RNF128: variants seen among roughly 807,000 people sequenced by gnomAD.
RNF128 encodes the protein E3 ubiquitin-protein ligase RNF128.
A neutral mutation model predicts 26.2 loss-of-function variants in RNF128; 13 were observed. The ratio of observed to expected loss-of-function variants is 0.50; its 90% CI spans 0.32 to 0.79. RNF128 has a LOEUF of 0.79. RNF128 is among the 30% of genes least tolerant of loss of function. The probability of loss-of-function intolerance (pLI) is 0.03; values close to 1 mark genes in which losing one functional copy is unlikely to be tolerated. For synonymous variants in RNF128, 149 were observed against 142.5 expected (o/e 1.05, Z -0.32); for missense variants, 315 against 349.7 (o/e 0.90, Z 0.79).
chrX:106,766,424 G>GT (rs1930244140), intron 1 of RNF128, among the ~76,000 whole-genome samples: 1 of 111,958 alleles, frequency 8.9e-6, no homozygotes, highest in African/African-American at 3.2e-5. Context: ...GTGTGAGATG[G>GT]TATCTCATTG....
intron 6 of RNF128, among the ~76,000 whole-genome samples, chrX:106,795,127 C>T (rs1930892235): frequency 9.0e-6 from 1 of 111,565 alleles, no homozygotes; most frequent in East Asian, 2.8e-4. Flanking sequence ...TCATTTATTA[C>T]TGTTTGTATT....
rs1929401658 is a variant in RNF128 at position 106,726,722 on chromosome X, G to A, written c.-192G>A. On this transcript the variant is annotated 5_prime_UTR_variant, in exon 1 of 7. Transcript: ENST00000255499. ...AGCCGCGGTAGCGGAGAAGACTGGA[G>A]CTCCGAGGAGCTGCATCTGCGGCAA... is the stretch of plus-strand genomic sequence containing the variant. The A allele has an allele frequency of 9.6e-7, 1 of 1,038,053 alleles. No individual in the cohort carries two copies. The highest frequency in any genetic ancestry group is 1.2e-6 in the Non-Finnish European group (1 of 817,287). 85.5% of individuals were successfully genotyped at this position (1,038,053 alleles called of 1,213,427 possible). A position where few individuals can be genotyped will look rare whatever the true frequency, so the allele number is the denominator to read the frequency against.
intron 1 of RNF128, among the ~76,000 whole-genome samples, chrX:106,767,817 T>C (rs1930281523): frequency 9.0e-6 from 1 of 111,453 alleles, no homozygotes; most frequent in African/African-American, 3.3e-5. Context: ...ATGCTTCCAG[T>C]TTTTGCCCAT....
intron 1 of RNF128, among the ~76,000 whole-genome samples, chrX:106,696,639 T>C (rs1360928021): frequency 9.0e-6 from 1 of 110,837 alleles, no homozygotes; most frequent in Non-Finnish European, 1.9e-5. Context: ...AATCACACTG[T>C]AGCCCCCTCA....
At chrX:106,700,686 A>C (rs1031544152) in intron 1 of RNF128, among the ~76,000 whole-genome samples, 2 of 111,977 alleles carry the variant, frequency 1.8e-5, no homozygotes, top group African/African-American at 3.2e-5. Context: ...TTTTCAAGAG[A>C]TAACTATTGC....
intron 2 of RNF128, among the ~76,000 whole-genome samples, chrX:106,776,827 T>C (rs1413704710): frequency 9.0e-6 from 1 of 111,496 alleles, no homozygotes; most frequent in Non-Finnish European, 1.9e-5. Flanking sequence ...ATGATACCCA[T>C]GTACTCCCAT....
At chrX:106,713,623 C>A (rs1929166371) in intron 1 of RNF128, among the ~76,000 whole-genome samples, 1 of 112,265 alleles carries the variant, frequency 8.9e-6, no homozygotes, top group African/African-American at 3.2e-5. Context: ...CACGAGCCAT[C>A]TGTGGCTACT....
At position 106,790,274 on chromosome X, in the gene RNF128, G is replaced by A; in HGVS notation, c.976G>A (p.Gly326Arg). 1.7e-6 allele frequency: 2 copies of A among 1,161,923 alleles called. No homozygotes were observed. The highest frequency in any genetic ancestry group is 2.3e-6 in the Non-Finnish European group (2 of 852,585). Residue 326 changes from glycine to arginine, a missense_variant, in exon 5 of 7, where the codon GGA becomes AGA. Transcript: ENST00000255499. Reference sequence around the variant, plus strand: ...CAAATGTGACATACTCAAAGCTTTGGGAATTGAGGTAAACATTAATATGTT... The same window carrying A: ...CAAATGTGACATACTCAAAGCTTTGAGAATTGAGGTAAACATTAATATGTT... ...MCKCDILKAL[G>R]IEVDVEDGSV...
Position 106,773,118 on chromosome X carries a change from T to C in RNF128, c.690T>C (p.Ser230=), listed in dbSNP as rs779240710. The C allele has an allele frequency of 5.0e-6, 6 of 1,211,020 alleles. No homozygotes were observed. In the Admixed American group the frequency reaches 1.3e-4, roughly 26 times the overall value. Residue 230 remains serine (S), a synonymous_variant, in exon 2 of 7, where the codon TCT becomes TCC. Coordinates refer to ENST00000255499, the MANE Select transcript of RNF128 (RefSeq NM_194463.2). The stretch of plus-strand genomic sequence containing the variant: ...CTGTGGGCTATTTTATCTTTTATTC[T>C]GCTCGAAGGCTACGGAATGCAAGAG... The part of the protein sequence containing the change: ...AATVGYFIFY[S]ARRLRNARAQ...
intron 1 of RNF128, chrX:106,694,481 T>C (rs1237462965): frequency 2.4e-6 from 2 of 830,903 alleles, no homozygotes; most frequent in Non-Finnish European, 1.6e-6. Context: ...CTAGAACTGG[T>C]CTAGGATCTG....
At chrX:106,762,351 T>C (rs756750058) in intron 1 of RNF128, among the ~76,000 whole-genome samples, 44 of 108,281 alleles carry the variant, frequency 4.1e-4, no homozygotes, top group Admixed American at 6.9e-4. Flanking sequence ...GTTTTGCTCT[T>C]GTTGCCCAGG....
intron 1 of RNF128, among the ~76,000 whole-genome samples, chrX:106,765,670 A>G (rs1168995387): frequency 9.0e-6 from 1 of 111,531 alleles, no homozygotes; most frequent in Admixed American, 9.6e-5. Flanking sequence ...TTGTATTTAA[A>G]TTCTAGTCTA....
chrX:106,790,066 T>G (rs1201781103), intron 4 of RNF128, 120 bp from the exon 5 acceptor site: 2 of 402,743 alleles, frequency 5.0e-6, no homozygotes, highest in Non-Finnish European at 8.6e-6. Context: ...GAATAGTGTG[T>G]TTAAAAGGAA....
At position 106,773,144 on chromosome X, in the gene RNF128, C is replaced by G. The variant is rs745739526; in HGVS notation, c.716C>G (p.Ala239Gly). ...GCTCGAAGGCTACGGAATGCAAGAGCTCAAAGCAGGAAGCAGGTTTGTAAT... is the reference window on the plus strand; with the variant it reads ...GCTCGAAGGCTACGGAATGCAAGAGGTCAAAGCAGGAAGCAGGTTTGTAAT... The part of the protein sequence containing the change: ...YSARRLRNAR[A>G]QSRKQRQLKA... Residue 239 changes from alanine (A) to glycine (G), a missense_variant, in exon 2 of 7, where the codon GCT becomes GGT. By Grantham distance (60) the Ala-to-Gly change is moderately conservative (BLOSUM62 0). Coordinates refer to ENST00000255499, the MANE Select transcript of RNF128 (RefSeq NM_194463.2). 1.7e-6 allele frequency: 2 copies of G among 1,208,997 alleles called. No homozygotes were observed. Among genetic ancestry groups the G allele is most frequent in the Non-Finnish European group, 1.1e-6 (1 of 894,491 alleles).
chrX:106,768,755 C>T (rs373186218), intron 1 of RNF128, among the ~76,000 whole-genome samples: 2 of 111,062 alleles, frequency 1.8e-5, no homozygotes, highest in African/African-American at 6.5e-5. Flanking sequence ...TGCCTTCTGC[C>T]AGCTTTTGAA....
chrX:106,714,820 T>C (rs1488847640), intron 1 of RNF128, among the ~76,000 whole-genome samples: 1 of 112,050 alleles, frequency 8.9e-6, no homozygotes, highest in Non-Finnish European at 1.9e-5. Context: ...CTTTTTGGGA[T>C]TGGCTTTTTT....
intron 1 of RNF128, among the ~76,000 whole-genome samples, chrX:106,714,205 G>C (rs1929176988): frequency 9.3e-6 from 1 of 107,553 alleles, no homozygotes; most frequent in South Asian, 4.1e-4. Flanking sequence ...AACTACCATA[G>C]CAGGAGTACT....
intron 6 of RNF128, among the ~76,000 whole-genome samples, chrX:106,793,458 C>A (rs1443602634): frequency 1.8e-5 from 2 of 111,369 alleles, no homozygotes; most frequent in East Asian, 5.6e-4. Flanking sequence ...CCCAGCTTCT[C>A]CAAATGTTAA....
At chrX:106,732,490 A>G (rs773233917) in intron 1 of RNF128, among the ~76,000 whole-genome samples, 25 of 112,034 alleles carry the variant, frequency 2.2e-4, no homozygotes, top group Non-Finnish European at 4.1e-4. Context: ...AAGGGTCACA[A>G]GATTCACTAG....
Sources: gnomAD v4.1 joint callset for allele counts (sites outside exome capture counted in the v4.1 genomes callset) on GRCh38, gnomAD v4.1.1 for gene constraint, MANE v1.5 for transcripts, NCBI Gene and HGNC (gene_info 2026-07-23, HGNC 2026-07-21) for gene names.